Variants in SQOR observed in about 807,000 individuals in gnomAD.
SQOR encodes sulfide:quinone oxidoreductase, mitochondrial.
SQOR carries 39 observed loss-of-function variants against 48.6 expected under a neutral mutation model. The observed-to-expected ratio is 0.80, with a 90% CI of 0.62 to 1.05. The LOEUF (loss-of-function observed/expected upper bound fraction) is 1.05. Ranked by LOEUF, SQOR falls within the 50% of genes least tolerant of loss-of-function variation. The pLI is 0.00. For synonymous variants in SQOR, 220 were observed against 206.2 expected (o/e 1.07, Z -0.57); for missense variants, 561 against 559.9 (o/e 1.00, Z -0.02).
At chr15:45,654,459 T>A (rs1414760985) in intron 1 of SQOR, among the ~76,000 whole-genome samples, 1 of 152,234 alleles carries the variant, frequency 6.6e-6, no homozygotes, top group Non-Finnish European at 1.5e-5. Context: ...TCAGAGGACT[T>A]TTTATTTATA....
intron 3 of SQOR, 65 bp downstream of exon 3, chr15:45,662,190 A>G: frequency 6.4e-7 from 1 of 1,561,154 alleles, no homozygotes; most frequent in Non-Finnish European, 8.8e-7. Flanking sequence ...CAGCCATCTT[A>G]AACTGGATAG....
chr15:45,676,842 A>C (rs986957633), intron 6 of SQOR, among the ~76,000 whole-genome samples: 1 of 152,174 alleles, frequency 6.6e-6, no homozygotes, highest in Non-Finnish European at 1.5e-5. Context: ...GGAGTTCGAG[A>C]CCAGGCTGGC....
chr15:45,644,122 G>C (rs567306208), intron 1 of SQOR, among the ~76,000 whole-genome samples: 1 of 152,008 alleles, frequency 6.6e-6, no homozygotes, highest in Admixed American at 6.6e-5. Context: ...GTCTTGCTCT[G>C]TTGTGCCCAG....
chr15:45,651,556 G>A (rs182194208), intron 1 of SQOR, among the ~76,000 whole-genome samples: 5 of 152,376 alleles, frequency 3.3e-5, no homozygotes, highest in East Asian at 1.9e-4. Flanking sequence ...CTGCCAGCAC[G>A]CTGTCACCTC....
chr15:45,681,695 A>G (rs1314608326), intron 6 of SQOR, among the ~76,000 whole-genome samples: 2 of 152,218 alleles, frequency 1.3e-5, no homozygotes, highest in Non-Finnish European at 2.9e-5. Flanking sequence ...TGTTAAAAAT[A>G]AATAAAAAGA....
chr15:45,659,196 G>A (rs774436391), intron 2 of SQOR, 39 bp downstream of exon 2: 18 of 1,195,548 alleles, frequency 1.5e-5, no homozygotes, highest in South Asian at 3.4e-5. Flanking sequence ...GTGTGTGTAC[G>A]TGTGTGTGTG....
chr15:45,641,715 C>T (rs143469417), intron 1 of SQOR, among the ~76,000 whole-genome samples: 1 of 152,186 alleles, frequency 6.6e-6, no homozygotes, highest in Non-Finnish European at 1.5e-5. Context: ...GAACAACACT[C>T]ATTCAGTTTT....
intron 1 of SQOR, among the ~76,000 whole-genome samples, chr15:45,642,695 G>C (rs1338689209): frequency 5.3e-5 from 8 of 152,070 alleles, no homozygotes; most frequent in African/African-American, 1.9e-4. Flanking sequence ...GAACCCAACT[G>C]TCCAAAAGTA....
chr15:45,646,236 A>G (rs1300372737), intron 1 of SQOR, among the ~76,000 whole-genome samples: 1 of 152,224 alleles, frequency 6.6e-6, no homozygotes, highest in Admixed American at 6.5e-5. Context: ...CTATCGCAGC[A>G]GAGAGGCCAT....
rs573438226 is a variant in SQOR at position 45,688,637 on chromosome 15, G to A, written c.1116+233G>A. On this transcript the variant is annotated intron_variant, in intron 8 of 9. Transcript: ENST00000260324. ...AGCGATTCTCCTGCCTCAGCCTCCC[G>A]AATAGATGGAATTACAGGCATGTGC... Among the ~76,000 whole-genome samples the A allele has an allele frequency of 5.9e-5, 9 of 151,390 alleles. No individual in the cohort carries two copies. The East Asian group carries it at 1.4e-3, about 23-fold the overall frequency.
chr15:45,650,520 T>C (rs143220793), intron 1 of SQOR, among the ~76,000 whole-genome samples: 25 of 152,262 alleles, frequency 1.6e-4, no homozygotes, highest in African/African-American at 5.8e-4. Context: ...GCAAGATTTA[T>C]GGCAAAGAGC....
At chr15:45,682,349 C>T in intron 6 of SQOR, 129 bp from the exon 7 acceptor site, 2 of 922,310 alleles carry the variant, frequency 2.2e-6, no homozygotes, top group South Asian at 1.7e-5. Context: ...TGGACTGGTA[C>T]AAGTGCTGAT....
At chr15:45,642,709 C>T (rs927368107) in intron 1 of SQOR, among the ~76,000 whole-genome samples, 5 of 152,116 alleles carry the variant, frequency 3.3e-5, no homozygotes, top group East Asian at 1.9e-4. Flanking sequence ...AAAAGTAGCC[C>T]GAACAGGTCC....
chr15:45,655,451 G>C (rs534196827), intron 1 of SQOR, among the ~76,000 whole-genome samples: 1 of 152,192 alleles, frequency 6.6e-6, no homozygotes, highest in South Asian at 2.1e-4. Flanking sequence ...TCTTCCTTCC[G>C]TATGAAACAT....
chr15:45,674,460 A>T (rs550783675), intron 5 of SQOR, among the ~76,000 whole-genome samples: 2 of 151,956 alleles, frequency 1.3e-5, no homozygotes, highest in African/African-American at 4.8e-5. Flanking sequence ...AAAAAAGTCT[A>T]CTGGAGAGAT....
At chr15:45,643,891 A>G (rs1895149201) in intron 1 of SQOR, among the ~76,000 whole-genome samples, 1 of 152,114 alleles carries the variant, frequency 6.6e-6, no homozygotes, top group Non-Finnish European at 1.5e-5. Flanking sequence ...AGAATGGAGG[A>G]TAGTATATGA....
chr15:45,679,264 T>G (rs1173507388), intron 6 of SQOR, among the ~76,000 whole-genome samples: 1 of 152,244 alleles, frequency 6.6e-6, no homozygotes, highest in Non-Finnish European at 1.5e-5. Context: ...TAACCCTGGC[T>G]ACATATTAGG....
rs144745754 is a variant in SQOR at position 45,682,631 on chromosome 15, C to G, written c.1018C>G (p.Leu340Val). The G allele has an allele frequency of 3.1e-6, 5 of 1,614,118 alleles. No individual in the cohort carries two copies. The African/African-American group carries it at 5.3e-5, about 17-fold the overall frequency. Residue 340 changes from leucine (L) to valine (V), a missense_variant, in exon 7 of 10, where the codon CTT becomes GTT. Leu to Val is a conservative substitution (Grantham distance 32). Coordinates refer to ENST00000260324, the MANE Select transcript of SQOR (RefSeq NM_021199.4). ...NVFGIGDCTN[L>V]PTSKTAAAVA... ...GTTTGGGATTGGGGACTGCACCAACCTTCCTACGTCAAAGACCGCTGCTGC... is the reference window on the plus strand; with the variant it reads ...GTTTGGGATTGGGGACTGCACCAACGTTCCTACGTCAAAGACCGCTGCTGC...
At chr15:45,651,150 C>G (rs1017578380) in intron 1 of SQOR, among the ~76,000 whole-genome samples, 17 of 152,234 alleles carry the variant, frequency 1.1e-4, no homozygotes, top group African/African-American at 4.1e-4. Flanking sequence ...AAGCCCTGCC[C>G]TGTGGGGAGG....
Sources: allele counts gnomAD v4.1 joint callset (sites outside exome capture counted in the v4.1 genomes callset), GRCh38; gene constraint gnomAD v4.1.1; transcripts MANE v1.5; gene names NCBI Gene and HGNC (gene_info 2026-07-23, HGNC 2026-07-21).